RASA1: variants seen among roughly 807,000 people sequenced by gnomAD.
The protein encoded by RASA1 is ras GTPase-activating protein 1.
RASA1 carries 25 observed loss-of-function variants against 132.2 expected under a neutral mutation model. The observed-to-expected ratio is 0.19, with a 90% CI of 0.14 to 0.26. The LOEUF (loss-of-function observed/expected upper bound fraction) is 0.26. RASA1 is among the 10% of genes least tolerant of loss of function. The probability of loss-of-function intolerance (pLI) is 1.00; values close to 1 mark genes in which losing one functional copy is unlikely to be tolerated. For missense variants in RASA1, 964 were observed against 1,299.2 expected (o/e 0.74, Z 3.97); for synonymous variants, 477 against 449.9 (o/e 1.06, Z -0.76).
At chr5:87,379,921 G>A (rs915557025) in intron 19 of RASA1, 71 bp downstream of exon 19, 13 of 1,456,992 alleles carry the variant, frequency 8.9e-6, no homozygotes, top group African/African-American at 2.8e-5. Context: ...TTTCTAAAAC[G>A]TGAAAGCTTT....
chr5:87,355,376 A>G (rs1220466018), intron 9 of RASA1, among the ~76,000 whole-genome samples: 1 of 152,172 alleles, frequency 6.6e-6, no homozygotes, highest in Non-Finnish European at 1.5e-5. Flanking sequence ...ATTATGCCAA[A>G]TCTACTGTGC....
At chr5:87,269,430 GA>G (rs1226855077) in intron 1 of RASA1, 14 of 1,027,046 alleles carry the variant, frequency 1.4e-5, no homozygotes, top group Admixed American at 2.6e-5. Flanking sequence ...GTAATAATTT[GA>G]AAAATGTATT....
At chr5:87,342,521 G>A (rs997713503) in intron 6 of RASA1, among the ~76,000 whole-genome samples, 4 of 152,082 alleles carry the variant, frequency 2.6e-5, no homozygotes, top group Non-Finnish European at 4.4e-5. Context: ...CAAGTGAAGC[G>A]GGTCAAGTAT....
intron 15 of RASA1, 95 bp downstream of exon 15, chr5:87,375,011 CAG>C (rs1761225041): frequency 5.6e-6 from 8 of 1,437,104 alleles, no homozygotes; most frequent in East Asian, 2.5e-5. Flanking sequence ...ATTAAAAAAA[CAG>C]AAATGCAAGT....
At chr5:87,332,289 A>G (rs1489010120) in intron 2 of RASA1, among the ~76,000 whole-genome samples, 1 of 152,114 alleles carries the variant, frequency 6.6e-6, no homozygotes, top group Non-Finnish European at 1.5e-5. Flanking sequence ...TATAAGCCTG[A>G]TATGTATTTC....
intron 4 of RASA1, among the ~76,000 whole-genome samples, chr5:87,335,971 G>A (rs1026468403): frequency 6.6e-6 from 1 of 152,128 alleles, no homozygotes; most frequent in Admixed American, 6.5e-5. Context: ...AGTTTTTGGT[G>A]TAATTTCATA....
chr5:87,389,347 A>C, intron 23 of RASA1, 46 bp from the exon 24 acceptor site: 1 of 1,611,542 alleles, frequency 6.2e-7, no homozygotes, highest in Non-Finnish European at 8.5e-7. Context: ...AAACAAAAAA[A>C]AAGAAGATTT....
At chr5:87,274,835 T>G (rs924918237) in intron 1 of RASA1, among the ~76,000 whole-genome samples, 2 of 152,232 alleles carry the variant, frequency 1.3e-5, no homozygotes, top group African/African-American at 2.4e-5. Context: ...CGCTTAATGA[T>G]TCTATCAGGA....
At chr5:87,303,971 C>T (rs570007378) in intron 1 of RASA1, among the ~76,000 whole-genome samples, 9 of 150,888 alleles carry the variant, frequency 6.0e-5, no homozygotes, top group Admixed American at 2.0e-4. Context: ...GTAGCTGGGA[C>T]CACAGGCGCC....
intron 11 of RASA1, chr5:87,366,409 A>G: frequency 2.5e-6 from 1 of 395,564 alleles, no homozygotes; most frequent in Non-Finnish European, 5.1e-6. Flanking sequence ...ATTACACTTG[A>G]TGGTAAAAGA....
In RASA1 at chr5:87,269,083, G is replaced by A. The variant is rs774238293; in HGVS notation, c.539+93G>A. 1.2e-5 allele frequency: 19 copies of A among 1,613,776 alleles called. No individual in the cohort carries two copies. In the South Asian group the frequency reaches 2.0e-4, roughly 17 times the overall value. On this transcript the variant is annotated intron_variant, in intron 1 of 24. Coordinates refer to ENST00000274376, the MANE Select transcript of RASA1 (RefSeq NM_002890.3). ...AAATCATACTTTGTCCTTTTCATCTGTGGTTTGTTAGGAAAAGTTTTTGAA... is the reference window on the plus strand; with the variant it reads ...AAATCATACTTTGTCCTTTTCATCTATGGTTTGTTAGGAAAAGTTTTTGAA...
At chr5:87,388,221 A>C (rs1349697962) in intron 23 of RASA1, among the ~76,000 whole-genome samples, 1 of 152,166 alleles carries the variant, frequency 6.6e-6, no homozygotes, top group East Asian at 1.9e-4. Flanking sequence ...ATAAACCTTT[A>C]ATCACTGAAT....
intron 7 of RASA1, 25 bp from the exon 8 acceptor site, chr5:87,349,189 A>G (rs745488476): frequency 1.4e-5 from 22 of 1,609,960 alleles, no homozygotes; most frequent in Non-Finnish European, 1.6e-5. Context: ...TAATTAGGGA[A>G]AAACTAACAG....
chr5:87,320,544 G>A (rs1756712425), intron 1 of RASA1, among the ~76,000 whole-genome samples: 1 of 152,200 alleles, frequency 6.6e-6, no homozygotes, highest in Non-Finnish European at 1.5e-5. Flanking sequence ...GGTGACAGGA[G>A]ACAGAGAGAG....
chr5:87,356,812 C>T (rs1350135581), intron 9 of RASA1, among the ~76,000 whole-genome samples: 3 of 152,158 alleles, frequency 2.0e-5, no homozygotes, highest in Non-Finnish European at 4.4e-5. Context: ...ATTCATATGG[C>T]TGGCTTTATT....
intron 6 of RASA1, 134 bp from the exon 7 acceptor site, chr5:87,346,532 TAATAAG>T (rs1758872382): frequency 2.0e-6 from 1 of 509,328 alleles, no homozygotes. Flanking sequence ...TATTAAAATG[TAATAAG>T]AATGAGATGA....
At chr5:87,318,675 C>G (rs1000412441) in intron 1 of RASA1, 3 of 152,176 alleles carry the variant, frequency 2.0e-5, no homozygotes, top group African/African-American at 7.2e-5. Flanking sequence ...CTACCAGGTC[C>G]CCTCCCAACA....
chr5:87,333,435 T>C, intron 4 of RASA1, 98 bp downstream of exon 4: 2 of 1,545,016 alleles, frequency 1.3e-6, no homozygotes, highest in Non-Finnish European at 1.8e-6. Flanking sequence ...TTTGAAGAAA[T>C]GGCATACAGC....
chr5:87,363,085 T>C (rs1232683847), intron 10 of RASA1, among the ~76,000 whole-genome samples: 1 of 151,996 alleles, frequency 6.6e-6, no homozygotes, highest in Non-Finnish European at 1.5e-5. Context: ...ACAAGAATTC[T>C]GACAATTTCA....
Sources: gnomAD v4.1 joint callset for allele counts (sites outside exome capture counted in the v4.1 genomes callset) on GRCh38, gnomAD v4.1.1 for gene constraint, MANE v1.5 for transcripts, NCBI Gene and HGNC (gene_info 2026-07-23, HGNC 2026-07-21) for gene names.